The following NMBR variants were observed in gnomAD, a reference collection of about 807,000 sequenced individuals.
NMBR encodes the protein neuromedin B receptor.
NMBR carries 16 observed loss-of-function variants against 20.5 expected under a neutral mutation model. The ratio of observed to expected loss-of-function variants is 0.78; its 90% CI spans 0.53 to 1.19. The LOEUF (loss-of-function observed/expected upper bound fraction) is 1.19. NMBR is among the 50% of genes most tolerant of loss of function. NMBR has a pLI of 0.00. For missense variants in NMBR, 582 were observed against 499.1 expected, an observed-to-expected ratio of 1.17 and a Z score of -1.58; for synonymous variants, 212 against 196.6, an observed-to-expected ratio of 1.08 and a Z score of -0.65.
intron 1 of NMBR, among the ~76,000 whole-genome samples, chr6:142,101,772 A>T (rs911129827): frequency 1.3e-5 from 2 of 152,140 alleles, no homozygotes; most frequent in Non-Finnish European, 2.9e-5. Flanking sequence ...AGATGAGAGA[A>T]TGACCAAAAC....
At chr6:142,086,277 C>T (rs533230963) in intron 2 of NMBR, among the ~76,000 whole-genome samples, 134 of 152,138 alleles carry the variant, frequency 8.8e-4, no homozygotes, top group Non-Finnish European at 1.5e-3. Context: ...AAAATAATGC[C>T]TATCTAACAG....
chr6:142,079,504 C>T, intron 2 of NMBR, among the ~76,000 whole-genome samples: 1 of 152,134 alleles, frequency 6.6e-6, no homozygotes, highest in East Asian at 1.9e-4. Flanking sequence ...TATGTTACAT[C>T]TATCATAATG....
At chr6:142,119,915 T>G (rs1186461974) in intron 1 of NMBR, among the ~76,000 whole-genome samples, 1 of 151,976 alleles carries the variant, frequency 6.6e-6, no homozygotes, top group Non-Finnish European at 1.5e-5. Context: ...AAGTATAAAG[T>G]CATATGTACT....
intron 1 of NMBR, among the ~76,000 whole-genome samples, chr6:142,100,759 G>A (rs902049154): frequency 6.6e-6 from 1 of 152,194 alleles, no homozygotes; most frequent in African/African-American, 2.4e-5. Flanking sequence ...CCACTTTGAT[G>A]AGGAAAATTG....
intron 2 of NMBR, among the ~76,000 whole-genome samples, chr6:142,081,989 T>C (rs1777107338): frequency 6.6e-6 from 1 of 152,290 alleles, no homozygotes; most frequent in African/African-American, 2.4e-5. Context: ...GGATCTCGCT[T>C]GTAACATCTG....
intron 1 of NMBR, among the ~76,000 whole-genome samples, chr6:142,104,743 TA>T (rs1562240205): frequency 6.6e-6 from 1 of 152,222 alleles, no homozygotes; most frequent in East Asian, 1.9e-4. Context: ...CTTTTTTTGT[TA>T]CAGTTTACTC....
At chr6:142,125,032 T>G (rs1293481700) in intron 1 of NMBR, among the ~76,000 whole-genome samples, 1 of 151,852 alleles carries the variant, frequency 6.6e-6, no homozygotes. Flanking sequence ...AAATTATTCA[T>G]GCAGAAAGAC....
intron 3 of NMBR, among the ~76,000 whole-genome samples, chr6:142,077,933 A>C (rs1776982852): frequency 6.6e-6 from 1 of 152,238 alleles, no homozygotes; most frequent in African/African-American, 2.4e-5. Flanking sequence ...GAAAAAGTAC[A>C]TAAGGTGCAT....
intron 1 of NMBR, among the ~76,000 whole-genome samples, chr6:142,109,566 G>A (rs185646603): frequency 1.3e-4 from 18 of 139,670 alleles, no homozygotes; most frequent in African/African-American, 4.4e-4. Flanking sequence ...TGCAACCTCT[G>A]CCTCCCAGGC....
chr6:142,078,721 G>A lies in NMBR; in HGVS notation c.605C>T (p.Pro202Leu). ...CTTTGGATGTAATTCATCTGTTTGA[G>A]GGTATGGGATACATGCTGTGAAGCT... Reference protein sequence around the residue: ...NSSFTACIPYPQTDELHPKIH... With the variant: ...NSSFTACIPYLQTDELHPKIH... Residue 202 changes from proline to leucine, a missense_variant, in exon 3 of 4, where the codon CCT becomes CTT. Pro to Leu is a moderately conservative substitution (Grantham distance 98, BLOSUM62 -3). Coordinates refer to ENST00000258042, the MANE Select transcript of NMBR (RefSeq NM_002511.4). 4 of 1,614,036 alleles carry A rather than the reference G, an allele frequency of 2.5e-6. No individual in the cohort carries two copies. Among genetic ancestry groups the A allele is most frequent in the South Asian group, 1.1e-5 (1 of 91,070 alleles).
At chr6:142,094,944 T>C (rs1180110283) in intron 1 of NMBR, among the ~76,000 whole-genome samples, 8 of 152,020 alleles carry the variant, frequency 5.3e-5, no homozygotes, top group Admixed American at 4.6e-4. Context: ...CATGATTTGG[T>C]TCTCTGTTTG....
chr6:142,123,440 A>G (rs1777979856), intron 1 of NMBR, among the ~76,000 whole-genome samples: 1 of 152,024 alleles, frequency 6.6e-6, no homozygotes, highest in Non-Finnish European at 1.5e-5. Flanking sequence ...AACTTAGTAC[A>G]TAAAGCAGCA....
intron 1 of NMBR, among the ~76,000 whole-genome samples, chr6:142,094,119 T>C (rs1777394504): frequency 1.3e-5 from 2 of 152,142 alleles, no homozygotes; most frequent in African/African-American, 4.8e-5. Context: ...ACTCTGATGG[T>C]AGTTTCTTTT....
At chr6:142,113,948 A>G (rs1202025830) in intron 1 of NMBR, among the ~76,000 whole-genome samples, 1 of 152,196 alleles carries the variant, frequency 6.6e-6, no homozygotes, top group Non-Finnish European at 1.5e-5. Context: ...ATGCAAATAT[A>G]TTAATGTGTA....
At chr6:142,129,371 G>T (rs747823057) in intron 1 of NMBR, among the ~76,000 whole-genome samples, 5 of 152,016 alleles carry the variant, frequency 3.3e-5, no homozygotes, top group Non-Finnish European at 7.4e-5. Flanking sequence ...CTCAAATTTT[G>T]CCCACTTACT....
chr6:142,135,964 A>C (rs1201219177), intron 1 of NMBR, among the ~76,000 whole-genome samples: 1 of 152,080 alleles, frequency 6.6e-6, no homozygotes, highest in Non-Finnish European at 1.5e-5. Flanking sequence ...ATACGTGTGC[A>C]TGTGTCTTTA....
intron 1 of NMBR, among the ~76,000 whole-genome samples, chr6:142,123,674 C>G (rs914324673): frequency 2.1e-4 from 32 of 151,966 alleles, no homozygotes; most frequent in African/African-American, 7.5e-4. Context: ...AGACCCTCCA[C>G]GGTGAAAATA....
chr6:142,128,002 C>T lies in NMBR; in HGVS notation c.-664+19042G>A, dbSNP rs550599874. Among the ~76,000 whole-genome samples the T allele has an allele frequency of 1.3e-4, 19 of 151,994 alleles. No individual in the cohort carries two copies. In the South Asian group the frequency reaches 3.7e-3, roughly 30 times the overall value. ...TATGGTTTGAATTTGTGTTCTTGTC[C>T]AAATCTCGTTGAATTGTAATCCTCA... On this transcript the variant is annotated intron_variant, in intron 1 of 3. Transcript: ENST00000258042.
rs368104599 is a variant in NMBR at position 142,088,703 on chromosome 6, G to C, written c.-45C>G. 241 of 1,542,124 alleles carry C rather than the reference G, an allele frequency of 1.6e-4. No individual in the cohort carries two copies. Among genetic ancestry groups the C allele is most frequent in the Non-Finnish European group, 2.1e-4 (237 of 1,141,626 alleles). On this transcript the variant is annotated 5_prime_UTR_variant, in exon 2 of 4. Transcript: ENST00000258042. ...TCCGCTGGAGTTTTCACGCGCTCCG[G>C]TGCCCTGAGGACTGAACGCCCACGA...
Sources: gnomAD v4.1 joint callset for allele counts (sites outside exome capture counted in the v4.1 genomes callset) on GRCh38, gnomAD v4.1.1 for gene constraint, MANE v1.5 for transcripts, NCBI Gene and HGNC (gene_info 2026-07-23, HGNC 2026-07-21) for gene names.